Variants in TMEM63B observed in about 807,000 individuals in gnomAD.
TMEM63B encodes mechanosensitive cation channel TMEM63B.
Under a neutral mutation model 102.6 loss-of-function variants are expected in TMEM63B, and 23 were observed. That is an observed-to-expected ratio of 0.22 (90% CI 0.16 to 0.32). TMEM63B has a LOEUF of 0.32. Among genes scored for constraint, TMEM63B ranks in the 10% least tolerant of loss-of-function variants. The pLI is 1.00. For synonymous variants in TMEM63B, 444 were observed against 437.0 expected (o/e 1.02, Z -0.20); for missense variants, 628 against 1,095.9 (o/e 0.57, Z 6.03).
chr6:44,145,269 C>T (rs549381946), intron 10 of TMEM63B, among the ~76,000 whole-genome samples: 46 of 126,006 alleles, frequency 3.7e-4, no homozygotes, highest in African/African-American at 1.3e-3. Flanking sequence ...AGCAAGACTC[C>T]GCCTCAAAAA....
intron 5 of TMEM63B, chr6:44,138,242 T>A: frequency 2.4e-6 from 1 of 416,278 alleles, no homozygotes; most frequent in Non-Finnish European, 4.5e-6. Flanking sequence ...GATCTGGACA[T>A]GGGGATTCAC....
chr6:44,143,616 C>T (rs1275197768), intron 10 of TMEM63B, among the ~76,000 whole-genome samples: 1 of 151,996 alleles, frequency 6.6e-6, no homozygotes, highest in East Asian at 1.9e-4. Flanking sequence ...CTAGTGAGCA[C>T]CTGCTATGTG....
chr6:44,139,558 G>A lies in TMEM63B; in HGVS notation c.499G>A (p.Val167Ile), dbSNP rs750117918. ...CATCGGGCTGCTGGTGGTTGTGGGCGTCCTCTCCGTAGGCATCGTGCTGCC... is the reference window on the plus strand; with the variant it reads ...CATCGGGCTGCTGGTGGTTGTGGGCATCCTCTCCGTAGGCATCGTGCTGCC... ...HIIGLLVVVG[V>I]LSVGIVLPVN... The change falls in exon 7 of 24, where the codon GTC (valine) becomes ATC (isoleucine). Residue 167 changes from valine to isoleucine, a missense_variant. Coordinates refer to ENST00000323267, the MANE Select transcript of TMEM63B (RefSeq NM_018426.3). 1.5e-5 allele frequency: 24 copies of A among 1,614,074 alleles called. No individual in the cohort carries two copies. The highest frequency in any genetic ancestry group is 3.3e-5 in the South Asian group (3 of 91,090).
At chr6:44,138,326 A>G (rs1763420517) in intron 5 of TMEM63B, 154 bp from the exon 6 acceptor site, 1 of 862,856 alleles carries the variant, frequency 1.2e-6, no homozygotes, top group Admixed American at 2.1e-5. Context: ...CTTTTTGGGT[A>G]TAAGCTAGTT....
In TMEM63B at chr6:44,135,000, GC is replaced by G. The variant is rs748956796; in HGVS notation, c.160-12del. On this transcript the variant is annotated splice_polypyrimidine_tract_variant and intron_variant, in intron 2 of 23. Transcript: ENST00000323267. ...CAGACAGCCTCTGCACTTGCCAACT[GC>G]CCCCTCTTCCCTCAGGCACTGCTGT... 1.1e-5 allele frequency: 17 copies of G among 1,614,072 alleles called. No homozygotes were observed. The South Asian group carries it at 1.9e-4, about 18-fold the overall frequency.
chr6:44,154,335 C>T (rs765572207), intron 22 of TMEM63B, 30 bp from the exon 23 acceptor site: 1 of 1,612,748 alleles, frequency 6.2e-7, no homozygotes, highest in Non-Finnish European at 8.5e-7. Context: ...GACATGCCCC[C>T]ACTTCCTGAC....
At chr6:44,134,479 A>G in intron 1 of TMEM63B, 82 bp from the exon 2 acceptor site, 1 of 1,442,334 alleles carries the variant, frequency 6.9e-7, no homozygotes, top group South Asian at 1.3e-5. Context: ...ATCTGTCCTC[A>G]CTGCCCCCTC....
chr6:44,127,941 G>C (rs998902533), intron 1 of TMEM63B: 6 of 151,718 alleles, frequency 4.0e-5, no homozygotes, highest in South Asian at 2.1e-4. Flanking sequence ...GATCCCAAAG[G>C]GTGGGACCCC....
At position 44,148,412 on chromosome 6, in the gene TMEM63B, C is replaced by G; in HGVS notation, c.1121+27C>G. 1 of 1,614,128 alleles carries G rather than the reference C, an allele frequency of 6.2e-7. No individual in the cohort carries two copies. The highest frequency in any genetic ancestry group is 8.5e-7 in the Non-Finnish European group (1 of 1,179,944). On this transcript the variant is annotated intron_variant, in intron 13 of 23. Transcript: ENST00000323267. This position sits in a 1 kb window ranked among gnomAD's most constrained non-coding sequence, Gnocchi z 5.1. ...TGAGTCCCCAACTCGGCCCTCGGCC[C>G]TGAGCAGCCCTCCAGGGCTCCCTGA...
At chr6:44,146,289 C>T (rs1290704666) in intron 10 of TMEM63B, among the ~76,000 whole-genome samples, 2 of 152,150 alleles carry the variant, frequency 1.3e-5, no homozygotes, top group African/African-American at 4.8e-5. Context: ...TGTCCCTACA[C>T]ATCCTGGTTT....
rs376468026 is a variant in TMEM63B, at chr6:44,153,662, G to A, written c.1943-14G>A. ...CACTGGTTCCGAGGTCAGGGCCCAT[G>A]TGGCTTCCCTTAGGGCTCATGTACA... On this transcript the variant is annotated splice_polypyrimidine_tract_variant and intron_variant, in intron 20 of 23. Coordinates refer to ENST00000323267, the MANE Select transcript of TMEM63B (RefSeq NM_018426.3). The A allele has an allele frequency of 5.6e-6, 9 of 1,610,026 alleles. No homozygotes were observed. Among genetic ancestry groups the A allele is most frequent in the Non-Finnish European group, 7.6e-6 (9 of 1,177,504 alleles).
At chr6:44,144,328 G>A (rs1329662790) in intron 10 of TMEM63B, among the ~76,000 whole-genome samples, 2 of 152,154 alleles carry the variant, frequency 1.3e-5, no homozygotes, top group African/African-American at 2.4e-5. Flanking sequence ...TATCTTGCAT[G>A]CAAATCAACG....
intron 23 of TMEM63B, 54 bp from the exon 24 acceptor site, chr6:44,154,638 G>A (rs1403062722): frequency 1.1e-5 from 16 of 1,515,512 alleles, no homozygotes; most frequent in Admixed American, 4.2e-5. Flanking sequence ...TGGTGTTCCC[G>A]CAATCCATGA....
rs547563948 is a variant in TMEM63B, at chr6:44,150,722, G to A, written c.1673+93G>A. The A allele has an allele frequency of 1.3e-5, 17 of 1,308,480 alleles. No homozygotes were observed. In the African/African-American group the frequency reaches 2.0e-4, roughly 16 times the overall value. The allele number at this position is 1,308,480 out of a possible 1,614,324, so 81.1% of individuals were successfully genotyped here. On this transcript the variant is annotated intron_variant, in intron 18 of 23. Transcript: ENST00000323267. This position sits in a 1 kb window ranked among gnomAD's most constrained non-coding sequence, Gnocchi z 4.7. ...CAGCCCCATGGGAGGGTGCAACAAA[G>A]CTTCCAACTCCTGGAGGGGGCAGAA...
rs745780774 is a variant in TMEM63B at position 44,154,394 on chromosome 6, C to A, written c.2256C>A (p.Asp752Glu). 2.5e-6 allele frequency: 4 copies of A among 1,613,866 alleles called. No homozygotes were observed. In the African/African-American group the frequency reaches 5.3e-5, roughly 22 times the overall value. The change falls in exon 23 of 24, where the codon GAC (aspartate) becomes GAA (glutamate). Residue 752 changes from aspartate (D) to glutamate (E), a missense_variant. Asp to Glu is a conservative substitution (Grantham distance 45). Around this residue, in one of 6 missense-constraint regions of TMEM63B, gnomAD observed 129 missense variants for 153.5 expected, o/e 0.84. Transcript: ENST00000323267. ...AGCACACGGAGACAGATACTGTGGA[C>A]CCCAGAAGCAATGGACGGCCCCCCA... ...KIEHTETDTV[D>E]PRSNGRPPTA...
intron 8 of TMEM63B, 41 bp downstream of exon 8, chr6:44,139,800 C>T: frequency 6.2e-7 from 1 of 1,613,076 alleles, no homozygotes; most frequent in Non-Finnish European, 8.5e-7. Context: ...GGTCTACGAC[C>T]AGAGTCTGGG....
chr6:44,135,440 T>C, intron 4 of TMEM63B, 74 bp downstream of exon 4: 1 of 1,523,988 alleles, frequency 6.6e-7, no homozygotes, highest in Non-Finnish European at 8.9e-7. Context: ...TCTCTTCTCT[T>C]CCTGCCAAGT....
At chr6:44,135,119 C>T (rs1762652626) in intron 3 of TMEM63B, 23 bp downstream of exon 3, 1 of 1,612,874 alleles carries the variant, frequency 6.2e-7, no homozygotes, top group Non-Finnish European at 8.5e-7. Flanking sequence ...GACCCTCCCT[C>T]TAGCTCTCCA....
At chr6:44,144,619 C>T (rs1172037424) in intron 10 of TMEM63B, among the ~76,000 whole-genome samples, 1 of 151,870 alleles carries the variant, frequency 6.6e-6, no homozygotes. Context: ...GACAGAGTCT[C>T]ACTCTGTCTC....
Sources: allele counts gnomAD v4.1 joint callset (sites outside exome capture counted in the v4.1 genomes callset), GRCh38; gene constraint gnomAD v4.1.1; regional missense constraint gnomAD v4.1.1; non-coding constraint Gnocchi (gnomAD v3.1); transcripts MANE v1.5; gene names NCBI Gene and HGNC (gene_info 2026-07-23, HGNC 2026-07-21).